Variants in NRXN3 observed in about 807,000 individuals in gnomAD.
The protein encoded by NRXN3 is neurexin III.
Under a neutral mutation model 137.6 loss-of-function variants are expected in NRXN3, and 32 were observed. That is an observed-to-expected ratio of 0.23 (90% CI 0.18 to 0.31). The LOEUF is 0.31. Among genes scored for constraint, NRXN3 ranks in the 10% least tolerant of loss-of-function variants. The pLI, the probability that NRXN3 is intolerant of heterozygous loss-of-function variation, is 1.00. For synonymous variants in NRXN3, 798 were observed against 784.5 expected (o/e 1.02, Z -0.29); for missense variants, 1,574 against 2,062.5 (o/e 0.76, Z 4.59).
chr14:79,351,464 T>C (rs2093203358), intron 15 of NRXN3, among the ~76,000 whole-genome samples: 1 of 152,222 alleles, frequency 6.6e-6, no homozygotes, highest in Non-Finnish European at 1.5e-5. Flanking sequence ...CATATGTGTA[T>C]ACTTGGCCCT....
At chr14:78,429,739 T>A (rs2093803674) in intron 4 of NRXN3, among the ~76,000 whole-genome samples, 1 of 152,226 alleles carries the variant, frequency 6.6e-6, no homozygotes, top group Non-Finnish European at 1.5e-5. Flanking sequence ...GATGGAGGCC[T>A]GGGCACAACA....
At chr14:79,388,538 T>C (rs1239639487) in intron 15 of NRXN3, among the ~76,000 whole-genome samples, 1 of 152,074 alleles carries the variant, frequency 6.6e-6, no homozygotes, top group East Asian at 1.9e-4. Flanking sequence ...TCAGAGGATT[T>C]CATTGATCTG....
rs1186316477 is a variant in NRXN3, at chr14:79,577,589, T to C, written c.3445-86189T>C. ...AATTGGTAAACATTATCACACTTTGTACATACTTTTACAGTGACTATGTAT... is the reference window on the plus strand; with the variant it reads ...AATTGGTAAACATTATCACACTTTGCACATACTTTTACAGTGACTATGTAT... On this transcript the variant is annotated intron_variant, in intron 16 of 20. Transcript: ENST00000335750. Among the ~76,000 whole-genome samples the C allele has an allele frequency of 2.6e-5, 4 of 152,226 alleles. No homozygotes were observed. The East Asian group carries it at 5.8e-4, about 22-fold the overall frequency.
At position 78,279,871 on chromosome 14, in the gene NRXN3, AC is replaced by A. The variant is rs550477556; in HGVS notation, c.727+1211del. Among the ~76,000 whole-genome samples, 578 of 152,330 alleles carry A rather than the reference AC, an allele frequency of 3.8e-3. 4 individuals are homozygous for A. Among genetic ancestry groups the A allele is most frequent in the African/African-American group, 0.014 (564 of 41,582 alleles). On this transcript the variant is annotated intron_variant, in intron 3 of 20. Transcript: ENST00000335750. ...TGTTCTTAAATGTCTAAAATAATCAACCAGACTTAAGTAGGGTTCTTCTGAT... is the reference window on the plus strand; with the variant it reads ...TGTTCTTAAATGTCTAAAATAATCAACAGACTTAAGTAGGGTTCTTCTGAT...
chr14:79,538,871 A>G (rs1485953206), intron 16 of NRXN3, among the ~76,000 whole-genome samples: 1 of 152,224 alleles, frequency 6.6e-6, no homozygotes, highest in Non-Finnish European at 1.5e-5. Context: ...GTCAATGCTT[A>G]TATGCTTCTC....
At chr14:78,231,427 G>A (rs2065380687) in intron 1 of NRXN3, 1 of 152,264 alleles carries the variant, frequency 6.6e-6, no homozygotes, top group Non-Finnish European at 1.5e-5. Context: ...ATACAGCTTG[G>A]GAGGCACAAA....
intron 16 of NRXN3, among the ~76,000 whole-genome samples, chr14:79,539,461 A>G (rs968372740): frequency 2.0e-5 from 3 of 152,208 alleles, no homozygotes; most frequent in African/African-American, 7.2e-5. Context: ...CTGTTTTATA[A>G]GCTGCCTCAA....
chr14:78,194,414 G>A (rs995370675), intron 1 of NRXN3, among the ~76,000 whole-genome samples: 3 of 152,186 alleles, frequency 2.0e-5, no homozygotes, highest in Non-Finnish European at 4.4e-5. Context: ...ACCTGTGTGA[G>A]TCTTTTGATC....
chr14:78,557,492 A>G (rs780801203), intron 4 of NRXN3, among the ~76,000 whole-genome samples: 6 of 152,138 alleles, frequency 3.9e-5, no homozygotes, highest in Non-Finnish European at 7.3e-5. Context: ...ACTGCTCTGA[A>G]CTTTAGTGTG....
At chr14:79,127,615 C>T (rs574222569) in intron 15 of NRXN3, among the ~76,000 whole-genome samples, 1 of 152,242 alleles carries the variant, frequency 6.6e-6, no homozygotes, top group South Asian at 2.1e-4. Context: ...AGTGTGATGC[C>T]TCCAGCTTTG....
intron 19 of NRXN3, among the ~76,000 whole-genome samples, chr14:79,728,881 G>GTAAC (rs2098909368): frequency 6.6e-6 from 1 of 152,178 alleles, no homozygotes; most frequent in Admixed American, 6.5e-5. Context: ...GGTGATCTTT[G>GTAAC]TAACTCCAGA....
intron 4 of NRXN3, among the ~76,000 whole-genome samples, chr14:78,306,720 C>T (rs1448950060): frequency 6.6e-6 from 1 of 152,052 alleles, no homozygotes; most frequent in Non-Finnish European, 1.5e-5. Context: ...ATAATAGATT[C>T]CAGGGTGACA....
chr14:79,749,436 GT>G (rs112453553), intron 19 of NRXN3, among the ~76,000 whole-genome samples: 18,552 of 148,434 alleles, frequency 0.12, 1,328 homozygotes, highest in Middle Eastern at 0.22. Flanking sequence ...CTTCAGTGTT[GT>G]TTTTTTTTTT....
At chr14:79,662,739 C>G (rs1836055089) in intron 16 of NRXN3, among the ~76,000 whole-genome samples, 2 of 152,036 alleles carry the variant, frequency 1.3e-5, no homozygotes, top group African/African-American at 4.8e-5. Context: ...TCTCACATGA[C>G]AGGAGCAGGA....
At chr14:78,555,434 A>G (rs984870354) in intron 4 of NRXN3, among the ~76,000 whole-genome samples, 27 of 152,030 alleles carry the variant, frequency 1.8e-4, no homozygotes, top group African/African-American at 6.3e-4. Flanking sequence ...TTGTTTGTTT[A>G]TTTGTTTCTA....
rs1567754344 is a variant in NRXN3, at chr14:78,495,134, C to CGT, written c.758-149984_758-149983dup. On this transcript the variant is annotated intron_variant, in intron 4 of 20. Coordinates refer to ENST00000335750, the MANE Select transcript of NRXN3 (RefSeq NM_001330195.2). The stretch of plus-strand genomic sequence containing the variant: ...TTTGTATATGTGGGGTGTGTGTGTG[C>CGT]GTGCGTGTGTGTGTGTGTGTGTGTG... Among the ~76,000 whole-genome samples, 3 of 23,910 alleles carry CGT rather than the reference C, an allele frequency of 1.3e-4. No homozygotes were observed. In the East Asian group the frequency reaches 5.6e-3, roughly 45 times the overall value. The allele number at this position is 23,910 out of a possible 152,430, so 15.7% of individuals were successfully genotyped here.
chr14:79,232,295 A>C (rs1045437808), intron 15 of NRXN3, among the ~76,000 whole-genome samples: 2 of 152,036 alleles, frequency 1.3e-5, no homozygotes, highest in Admixed American at 1.3e-4. Context: ...TGCGTGCTCC[A>C]AGTTCATCCC....
At chr14:79,038,132 T>A (rs59976681) in intron 15 of NRXN3, among the ~76,000 whole-genome samples, 14,575 of 152,046 alleles carry the variant, frequency 0.096, 2,364 homozygotes, top group African/African-American at 0.33. Context: ...ACCTGTTCTT[T>A]CACATAATAT....
intron 4 of NRXN3, among the ~76,000 whole-genome samples, chr14:78,533,581 A>G (rs986605403): frequency 1.3e-5 from 2 of 152,034 alleles, no homozygotes; most frequent in African/African-American, 4.8e-5. Context: ...CACAACACCC[A>G]CAGTTGCTAG....
Sources: gnomAD v4.1 joint callset for allele counts (sites outside exome capture counted in the v4.1 genomes callset) on GRCh38, gnomAD v4.1.1 for gene constraint, MANE v1.5 for transcripts, NCBI Gene and HGNC (gene_info 2026-07-23, HGNC 2026-07-21) for gene names.